The following SLCO2B1 variants were observed in gnomAD, a reference collection of about 807,000 sequenced individuals.
The protein encoded by SLCO2B1 is solute carrier organic anion transporter family member 2B1.
SLCO2B1 carries 41 observed loss-of-function variants against 67.3 expected under a neutral mutation model. The ratio of observed to expected loss-of-function variants is 0.61; its 90% CI spans 0.47 to 0.79. The LOEUF is 0.79. Ranked by LOEUF, SLCO2B1 falls within the 30% of genes least tolerant of loss-of-function variation. SLCO2B1 has a pLI of 0.00. For missense variants in SLCO2B1, 837 were observed against 920.1 expected (o/e 0.91, Z 1.17); for synonymous variants, 379 against 381.4 (o/e 0.99, Z 0.07).
In SLCO2B1 at chr11:75,193,470, G is replaced by T. The variant is rs1173314250; in HGVS notation, c.1328G>T (p.Gly443Val). ...CTCCACCTGGGCCCTGTGGGATGCG[G>T]TGCCCTTTGCCTGCTGGGGATGCTG... The part of the protein sequence containing the change: ...KRLHLGPVGC[G>V]ALCLLGMLLC... The change falls in exon 9 of 14, where the codon GGT (glycine) becomes GTT (valine). Residue 443 changes from glycine to valine, a missense_variant. Gly to Val is a moderately radical substitution (Grantham distance 109, BLOSUM62 -3). Transcript: ENST00000289575. The surrounding 1 kb of genome is among the most constrained non-coding windows in gnomAD (Gnocchi z 4.2). 1 of 1,611,706 alleles carries T rather than the reference G, an allele frequency of 6.2e-7. No homozygotes were observed. The highest frequency in any genetic ancestry group is 8.5e-7 in the Non-Finnish European group (1 of 1,178,222).
intron 7 of SLCO2B1, among the ~76,000 whole-genome samples, chr11:75,181,047 A>G (rs1329311214): frequency 6.6e-6 from 1 of 152,230 alleles, no homozygotes; most frequent in African/African-American, 2.4e-5. Flanking sequence ...AGGGAAAAGA[A>G]GCATGGCCAG....
chr11:75,153,001 C>G (rs1401930687), intron 1 of SLCO2B1, among the ~76,000 whole-genome samples: 1 of 152,186 alleles, frequency 6.6e-6, no homozygotes, highest in Non-Finnish European at 1.5e-5. Context: ...CAGAGCCCCT[C>G]CACCCACTCA....
chr11:75,171,728 G>A (rs1413393750), intron 6 of SLCO2B1, among the ~76,000 whole-genome samples: 1 of 152,064 alleles, frequency 6.6e-6, no homozygotes, highest in African/African-American at 2.4e-5. Flanking sequence ...AAATCATCTG[G>A]GGAACTTGTT....
At chr11:75,202,654 C>CTG (rs1945199517) in intron 11 of SLCO2B1, 2 of 534,094 alleles carry the variant, frequency 3.7e-6, no homozygotes, top group African/African-American at 3.8e-5. Flanking sequence ...TGACCAGAAA[C>CTG]ATACAGAGGT....
At chr11:75,169,963 G>C (rs1949939698) in intron 6 of SLCO2B1, 199 bp downstream of exon 6, 1 of 569,502 alleles carries the variant, frequency 1.8e-6, no homozygotes, top group African/African-American at 1.9e-5. Context: ...TGTGATCAGA[G>C]TCCAGCGAGA....
rs891233725 is a variant in SLCO2B1, at chr11:75,169,423, T to A, written c.682+17T>A. 10 of 1,557,124 alleles carry A rather than the reference T, an allele frequency of 6.4e-6. No individual in the cohort carries two copies. The East Asian group carries it at 2.3e-4, about 35-fold the overall frequency. On this transcript the variant is annotated intron_variant, in intron 5 of 13. Coordinates refer to ENST00000289575, the MANE Select transcript of SLCO2B1 (RefSeq NM_007256.5). The stretch of plus-strand genomic sequence containing the variant: ...TCTACCTCGGTGAGGACCAGTGCCA[T>A]CCCTTGGCCTCTGAGGGTCAGGCCA...
chr11:75,181,382 A>G lies in SLCO2B1; in HGVS notation c.973-6754A>G, dbSNP rs1008497373. On this transcript the variant is annotated intron_variant, in intron 7 of 13. Transcript: ENST00000289575. ...AGGAAGACTCTGCCTCAAAAAAAAA[A>G]AAAAAAGAAAAAAGAAAGCTGGAAG... 6.3e-4 allele frequency among the ~76,000 whole-genome samples: 95 copies of G among 151,416 alleles called. 1 individual carries two copies. The highest frequency in any genetic ancestry group is 2.2e-3 in the African/African-American group (90 of 41,282).
Position 75,193,662 on chromosome 11 carries a change from G to A in SLCO2B1, c.1433+87G>A. 1 of 1,226,792 alleles carries A rather than the reference G, an allele frequency of 8.2e-7. No homozygotes were observed. Among genetic ancestry groups the A allele is most frequent in the East Asian group, 2.4e-5 (1 of 42,196 alleles). The allele number at this position is 1,226,792 out of a possible 1,614,324, so 76.0% of individuals were successfully genotyped here. On this transcript the variant is annotated intron_variant, in intron 9 of 13. Coordinates refer to ENST00000289575, the MANE Select transcript of SLCO2B1 (RefSeq NM_007256.5). The surrounding 1 kb of genome is among the most constrained non-coding windows in gnomAD (Gnocchi z 4.2). The stretch of plus-strand genomic sequence containing the variant: ...CCCTGGGCAGAGGCCAGGATGGCAG[G>A]GCAACCCCTGCCTCAAATCTTGCCT...
Position 75,200,341 on chromosome 11 carries a change from G to A in SLCO2B1, c.1717G>A (p.Ala573Thr). The A allele has an allele frequency of 6.2e-7, 1 of 1,612,748 alleles. No individual in the cohort carries two copies. Among genetic ancestry groups the A allele is most frequent in the Non-Finnish European group, 8.5e-7 (1 of 1,179,582 alleles). The change falls in exon 11 of 14, where the codon GCC becomes ACC. Residue 573 changes from alanine to threonine, a missense_variant. By Grantham distance (58) the Ala-to-Thr change is moderately conservative. Coordinates refer to ENST00000289575, the MANE Select transcript of SLCO2B1 (RefSeq NM_007256.5). The stretch of plus-strand genomic sequence containing the variant: ...CCTGCTCCTGGTCAGCCTGGGCTCG[G>A]CCCTGGCCTGTCTCACCCACACACC... ...PFLLLVSLGS[A>T]LACLTHTPSF...
At chr11:75,162,459 T>C (rs1949832467) in intron 1 of SLCO2B1, among the ~76,000 whole-genome samples, 196 bp from the exon 2 acceptor site, 1 of 152,078 alleles carries the variant, frequency 6.6e-6, no homozygotes, top group Non-Finnish European at 1.5e-5. Context: ...TACACACCCT[T>C]TTAGGAAAGT....
At position 75,172,506 on chromosome 11, in the gene SLCO2B1, G is replaced by C. The variant is rs1949973874; in HGVS notation, c.909G>C (p.Lys303Asn). ...PYFFFPKEMP[K>N]EKRELQFRRK... Reference sequence around the variant, plus strand: ...TCTTCTTCCCCAAGGAAATGCCCAAGGAAAAACGTGAGCTTCAGTTTCGGC... The same window carrying C: ...TCTTCTTCCCCAAGGAAATGCCCAACGAAAAACGTGAGCTTCAGTTTCGGC... The change falls in exon 7 of 14, where the codon AAG becomes AAC. Residue 303 changes from lysine to asparagine, a missense_variant. Lys to Asn is a moderately conservative substitution (Grantham distance 94). Coordinates refer to ENST00000289575, the MANE Select transcript of SLCO2B1 (RefSeq NM_007256.5). 1 of 1,614,034 alleles carries C rather than the reference G, an allele frequency of 6.2e-7. No individual in the cohort carries two copies.
Position 75,151,216 on chromosome 11 carries a change from A to G in SLCO2B1, c.-166A>G. 2 of 625,690 alleles carry G rather than the reference A, an allele frequency of 3.2e-6. No homozygotes were observed. Among genetic ancestry groups the G allele is most frequent in the Non-Finnish European group, 5.7e-6 (2 of 351,548 alleles). 38.8% of individuals were successfully genotyped at this position (625,690 alleles called of 1,614,324 possible). On this transcript the variant is annotated 5_prime_UTR_variant, in exon 1 of 14. Transcript: ENST00000289575. ...CAAGTCTGATGTCCTGTGTGGCCCA[A>G]GAAGAACTGACCCCGTGTCTGGAGC...
chr11:75,172,926 C>CT (rs1949982485), intron 7 of SLCO2B1, among the ~76,000 whole-genome samples: 1 of 142,448 alleles, frequency 7.0e-6, no homozygotes, highest in South Asian at 2.3e-4. Context: ...AAGACTCCGT[C>CT]TCAAAAAAAA....
intron 8 of SLCO2B1, among the ~76,000 whole-genome samples, chr11:75,190,618 G>A (rs1945004157): frequency 6.6e-6 from 1 of 152,220 alleles, no homozygotes; most frequent in Admixed American, 6.5e-5. Flanking sequence ...CTCTGTGATG[G>A]AGAAGGCCCC....
chr11:75,164,091 C>T lies in SLCO2B1; in HGVS notation c.276C>T (p.Ser92=), dbSNP rs746370422. 2.0e-5 allele frequency: 32 copies of T among 1,607,568 alleles called. No homozygotes were observed. The highest frequency in any genetic ancestry group is 2.6e-5 in the Non-Finnish European group (31 of 1,177,506). Residue 92 remains serine (S), a synonymous_variant, in exon 3 of 14, where the codon TCC becomes TCT. Coordinates refer to ENST00000289575, the MANE Select transcript of SLCO2B1 (RefSeq NM_007256.5). ...LSSQTSGLLA[S]FNEVGNTALI... ...GCCAGACGTCGGGGCTGCTGGCCTC[C>T]TTCAACGAGGTACAGGCCCCACCCA... is the stretch of plus-strand genomic sequence containing the variant.
rs930718154 is a variant in SLCO2B1 at position 75,186,549 on chromosome 11, C to T, written c.973-1587C>T. Among the ~76,000 whole-genome samples, 2 of 151,302 alleles carry T rather than the reference C, an allele frequency of 1.3e-5. 1 individual carries two copies. Among genetic ancestry groups the T allele is most frequent in the South Asian group, 4.2e-4 (2 of 4,766 alleles). Reference sequence around the variant, plus strand: ...TTTATTTTTAGTAGAGACAAGGTTTCGCCATGTTGCCCAGGCTGGTCTTGA... The same window carrying T: ...TTTATTTTTAGTAGAGACAAGGTTTTGCCATGTTGCCCAGGCTGGTCTTGA... On this transcript the variant is annotated intron_variant, in intron 7 of 13. Transcript: ENST00000289575.
At chr11:75,185,461 T>C (rs1195505635) in intron 7 of SLCO2B1, among the ~76,000 whole-genome samples, 1 of 150,940 alleles carries the variant, frequency 6.6e-6, no homozygotes. Flanking sequence ...CCTCCCAGGG[T>C]AGCCTCTTCC....
chr11:75,189,602 AT>A (rs1944987463), intron 8 of SLCO2B1, among the ~76,000 whole-genome samples: 1 of 152,102 alleles, frequency 6.6e-6, no homozygotes, highest in Non-Finnish European at 1.5e-5. Flanking sequence ...CTTACTGAGG[AT>A]TTCTGCAACA....
chr11:75,186,357 A>T (rs906229233), intron 7 of SLCO2B1, among the ~76,000 whole-genome samples: 12 of 151,806 alleles, frequency 7.9e-5, no homozygotes, highest in African/African-American at 2.9e-4. Flanking sequence ...TACAGGCATG[A>T]GCCACCATGC....
Sources: gnomAD v4.1 joint callset for allele counts (sites outside exome capture counted in the v4.1 genomes callset) on GRCh38, gnomAD v4.1.1 for gene constraint, Gnocchi (gnomAD v3.1) non-coding constraint, MANE v1.5 for transcripts, NCBI Gene and HGNC (gene_info 2026-07-23, HGNC 2026-07-21) for gene names.